GRHPR: variants seen among roughly 807,000 people sequenced by gnomAD.
GRHPR encodes glyoxylate and hydroxypyruvate reductase.
Under a neutral mutation model 36.8 loss-of-function variants are expected in GRHPR, and 35 were observed. That is an observed-to-expected ratio of 0.95 (90% CI 0.73 to 1.26). The LOEUF is 1.26. Among genes scored for constraint, GRHPR ranks in the 50% most tolerant of loss-of-function variants. GRHPR has a pLI of 0.00. For missense variants in GRHPR, 380 were observed against 435.0 expected, an observed-to-expected ratio of 0.87 and a Z score of 1.12; for synonymous variants, 179 against 181.0, an observed-to-expected ratio of 0.99 and a Z score of 0.09.
At chr9:37,438,251 T>C (rs1823760878), downstream of GRHPR, 1 of 152,624 alleles carries the variant, frequency 6.6e-6, no homozygotes, top group Admixed American at 6.5e-5. Flanking sequence ...CACGCCAGAC[T>C]ATAATTAAGG....
chr9:37,426,750 C>G, intron 4 of GRHPR, 96 bp downstream of exon 4: 1 of 749,480 alleles, frequency 1.3e-6, no homozygotes, highest in Admixed American at 1.9e-5. Context: ...GAGTTCGAGA[C>G]CAGTCTGGCC....
chr9:37,424,504 T>C (rs563077316), intron 1 of GRHPR, among the ~76,000 whole-genome samples: 2 of 152,334 alleles, frequency 1.3e-5, no homozygotes, highest in Admixed American at 1.3e-4. Context: ...GCCCCCCACC[T>C]GAGGCACACC....
downstream of GRHPR, chr9:37,438,201 G>C (rs550648380): frequency 6.6e-6 from 1 of 152,600 alleles, no homozygotes; most frequent in Non-Finnish European, 1.5e-5. Flanking sequence ...CTCCTTGATA[G>C]AACTTTATGA....
chr9:37,428,609 C>T (rs1823199422), intron 5 of GRHPR, 37 bp downstream of exon 5: 3 of 1,391,964 alleles, frequency 2.2e-6, no homozygotes, highest in South Asian at 1.1e-5. Context: ...CGCCCCGGCT[C>T]TCACAGCGTG....
intron 4 of GRHPR, chr9:37,427,837 C>G (rs1588754477): frequency 7.3e-6 from 1 of 137,428 alleles, no homozygotes. Context: ...GACCCTGTCT[C>G]CAAAAAAAAA....
chr9:37,431,428 G>C, intron 7 of GRHPR: 1 of 262,790 alleles, frequency 3.8e-6, no homozygotes, highest in South Asian at 4.3e-5. Flanking sequence ...CCAGGACCGT[G>C]TATTACTCAT....
downstream of GRHPR, among the ~76,000 whole-genome samples, chr9:37,437,835 T>G (rs1172172123): frequency 6.6e-6 from 1 of 152,258 alleles, no homozygotes; most frequent in Middle Eastern, 3.4e-3. Context: ...AGTTTCCAAC[T>G]TGGGAGGCAG....
chr9:37,428,087 C>T (rs749686145), intron 4 of GRHPR: 2 of 337,650 alleles, frequency 5.9e-6, no homozygotes, highest in Non-Finnish European at 1.2e-5. Context: ...GCAGGGTGGG[C>T]CCTGTGGCTG....
downstream of GRHPR, among the ~76,000 whole-genome samples, chr9:37,437,340 GC>G (rs1418449202): frequency 6.6e-6 from 1 of 152,110 alleles, no homozygotes; most frequent in African/African-American, 2.4e-5. Flanking sequence ...TCCCACCCCA[GC>G]CCTCAGCCCT....
At chr9:37,429,910 C>T in intron 6 of GRHPR, 74 bp downstream of exon 6, 1 of 887,988 alleles carries the variant, frequency 1.1e-6, no homozygotes, top group South Asian at 1.3e-5. Flanking sequence ...TCAATGGTGG[C>T]ATTTTCAGGC....
intron 5 of GRHPR, chr9:37,428,964 G>A (rs1823221484): frequency 1.1e-5 from 4 of 361,836 alleles, no homozygotes; most frequent in South Asian, 8.8e-5. Context: ...AACTCGGGCC[G>A]GAGGGCTCAG....
chr9:37,426,669 AC>A lies in GRHPR; in HGVS notation c.404+17del. 1 of 1,467,204 alleles carries A rather than the reference AC, an allele frequency of 6.8e-7. No individual in the cohort carries two copies. Among genetic ancestry groups the A allele is most frequent in the Non-Finnish European group, 9.6e-7 (1 of 1,046,000 alleles). 90.9% of individuals were successfully genotyped at this position (1,467,204 alleles called of 1,614,324 possible). ...GAAGTGAAGAAGTAAGTGAACGCAG[AC>A]CAGGTGCGGTGGCTCACGGCTGTAA... On this transcript the variant is annotated intron_variant, in intron 4 of 8. Transcript: ENST00000318158.
chr9:37,432,160 G>A (rs768672578), intron 8 of GRHPR, 22 bp downstream of exon 8: 19 of 1,612,810 alleles, frequency 1.2e-5, no homozygotes, highest in Non-Finnish European at 2.5e-6. Flanking sequence ...ACTTTCTGAT[G>A]CAAACTCCCT....
intron 2 of GRHPR, among the ~76,000 whole-genome samples, chr9:37,425,498 C>T (rs1823037054): frequency 6.6e-6 from 1 of 152,248 alleles, no homozygotes; most frequent in Admixed American, 6.5e-5. Flanking sequence ...CTGAGCCGCC[C>T]CACATCCTGG....
chr9:37,429,973 A>G, intron 6 of GRHPR, 137 bp downstream of exon 6: 1 of 698,684 alleles, frequency 1.4e-6, no homozygotes, highest in East Asian at 2.7e-5. Flanking sequence ...TAGATGTTTA[A>G]TCTACCTGCC....
Position 37,433,987 on chromosome 9 carries a change from G to A in GRHPR, c.865+1849G>A, listed in dbSNP as rs12552734. The A allele has an allele frequency of 8.0e-3, 3,082 of 382,968 alleles. 22 individuals carry two copies. Among genetic ancestry groups the A allele is most frequent in the Non-Finnish European group, 0.012 (2,582 of 217,230 alleles). 23.7% of individuals were successfully genotyped at this position (382,968 alleles called of 1,614,324 possible). On this transcript the variant is annotated intron_variant, in intron 8 of 8. Coordinates refer to ENST00000318158, the MANE Select transcript of GRHPR (RefSeq NM_012203.2). ...CACCCCAGCCTGCAAGGAGCACTGG[G>A]TGTGATGTCAGGGCTGTCGCCCACA... is the stretch of plus-strand genomic sequence containing the variant.
downstream of GRHPR, chr9:37,439,137 G>C (rs532705613): frequency 1.3e-5 from 2 of 152,240 alleles, no homozygotes; most frequent in Non-Finnish European, 2.9e-5. Context: ...ATGAGTTCTA[G>C]GGAGACGCAT....
upstream of GRHPR, chr9:37,422,525 AC>A (rs1822871893): frequency 7.9e-6 from 2 of 252,246 alleles, no homozygotes. Flanking sequence ...GCACCCCCCC[AC>A]ACACACACAA....
chr9:37,422,774 G>T lies in GRHPR; in HGVS notation c.24G>T (p.Lys8Asn). 2 of 1,598,840 alleles carry T rather than the reference G, an allele frequency of 1.3e-6. No individual in the cohort carries two copies. Among genetic ancestry groups the T allele is most frequent in the Non-Finnish European group, 1.7e-6 (2 of 1,174,236 alleles). MRPVRLMKVFVTRRIPAE... is the reference protein window; with the variant it reads MRPVRLMNVFVTRRIPAE... The stretch of plus-strand genomic sequence containing the variant: ...GGATGAGACCGGTGCGACTCATGAA[G>T]GTGTTCGTCACCCGCAGGATACCCG... The change falls in exon 1 of 9, where the codon AAG becomes AAT. Residue 8 changes from lysine to asparagine, a missense_variant. Transcript: ENST00000318158.
Sources: allele counts gnomAD v4.1 joint callset (sites outside exome capture counted in the v4.1 genomes callset), GRCh38; gene constraint gnomAD v4.1.1; transcripts MANE v1.5; gene names NCBI Gene and HGNC (gene_info 2026-07-23, HGNC 2026-07-21).